Variants in KDM2B observed in about 807,000 individuals in gnomAD.
KDM2B encodes lysine demethylase 2B.
Under a neutral mutation model 150.0 loss-of-function variants are expected in KDM2B, and 26 were observed. The observed-to-expected ratio is 0.17, with a 90% CI of 0.13 to 0.24. The LOEUF (loss-of-function observed/expected upper bound fraction) is 0.24, where lower values mean the gene tolerates loss of function less well. Ranked by LOEUF, KDM2B falls within the 10% of genes least tolerant of loss-of-function variation. The pLI, the probability that KDM2B is intolerant of heterozygous loss-of-function variation, is 1.00. For synonymous variants in KDM2B, 734 were observed against 729.5 expected, an observed-to-expected ratio of 1.01 and a Z score of -0.10; for missense variants, 1,265 against 1,816.9, an observed-to-expected ratio of 0.70 and a Z score of 5.52.
At chr12:121,432,298 T>C (rs1234383192) in intron 22 of KDM2B, among the ~76,000 whole-genome samples, 2 of 152,214 alleles carry the variant, frequency 1.3e-5, no homozygotes, top group African/African-American at 4.8e-5. Context: ...ATGAAGGAAG[T>C]TGTAGAATGT....
intron 9 of KDM2B, among the ~76,000 whole-genome samples, chr12:121,519,521 AC>A (rs1393736348): frequency 6.6e-6 from 1 of 152,240 alleles, no homozygotes; most frequent in Non-Finnish European, 1.5e-5. Flanking sequence ...CATGAAAGAA[AC>A]CAGACACAAA....
intron 11 of KDM2B, among the ~76,000 whole-genome samples, chr12:121,495,783 G>A (rs370379997): frequency 9.2e-5 from 14 of 152,128 alleles, no homozygotes; most frequent in African/African-American, 3.4e-4. Context: ...GCTGTGTGAC[G>A]ACGTGTAAAT....
chr12:121,536,233 T>A, intron 6 of KDM2B: 1 of 290,244 alleles, frequency 3.4e-6, no homozygotes, highest in Non-Finnish European at 5.1e-6. Flanking sequence ...GGCTCAGCAG[T>A]ATGCAGGCGG....
At chr12:121,436,438 G>A (rs1284229975) in intron 22 of KDM2B, among the ~76,000 whole-genome samples, 6 of 151,828 alleles carry the variant, frequency 4.0e-5, no homozygotes, top group South Asian at 2.1e-4. Context: ...GGAGAATGGC[G>A]TGAACCTGGG....
intron 4 of KDM2B, among the ~76,000 whole-genome samples, chr12:121,573,286 T>C (rs1245845086): frequency 1.5e-5 from 1 of 66,428 alleles, no homozygotes; most frequent in Middle Eastern, 5.0e-3. Flanking sequence ...CACTGTTTAC[T>C]TTTTTTTTTT....
At chr12:121,563,340 C>T (rs1275881414) in intron 4 of KDM2B, among the ~76,000 whole-genome samples, 2 of 152,102 alleles carry the variant, frequency 1.3e-5, no homozygotes, top group Non-Finnish European at 2.9e-5. Context: ...GGCTCGATGG[C>T]TCACGCCTGT....
intron 11 of KDM2B, among the ~76,000 whole-genome samples, chr12:121,495,540 T>A (rs782098345): frequency 5.1e-4 from 77 of 152,264 alleles, no homozygotes; most frequent in Middle Eastern, 3.4e-3. Flanking sequence ...CCTCGAGGAA[T>A]CCTCCCTCCT....
chr12:121,443,019 G>A lies in KDM2B; in HGVS notation c.2577C>T (p.Gly859=), dbSNP rs1555289009. 4 of 1,612,984 alleles carry A rather than the reference G, an allele frequency of 2.5e-6. No individual in the cohort carries two copies. Among genetic ancestry groups the A allele is most frequent in the African/African-American group, 1.3e-5 (1 of 74,924 alleles). ...TTTTCCTGAAAAGCTTATCTTCTTT[G>A]CCAGGTTTGAGCTGTCACGAAAAAG... ...LTYFQQQLKP[G]KEDKLFRKKR... is the part of the protein sequence containing the mutation. The change falls in exon 18 of 23, where the codon GGC becomes GGT. Residue 859 remains glycine, a synonymous_variant. Coordinates refer to ENST00000377071, the MANE Select transcript of KDM2B (RefSeq NM_032590.5).
chr12:121,509,344 G>A (rs1057163784), intron 11 of KDM2B, among the ~76,000 whole-genome samples: 3 of 151,742 alleles, frequency 2.0e-5, no homozygotes, highest in Non-Finnish European at 2.9e-5. Flanking sequence ...TTACAGGTGT[G>A]AGCCACCCCA....
intron 4 of KDM2B, among the ~76,000 whole-genome samples, chr12:121,560,473 G>C (rs1890257081): frequency 6.6e-6 from 1 of 152,180 alleles, no homozygotes; most frequent in African/African-American, 2.4e-5. Context: ...GCTGATGCAG[G>C]AGGTGGGTGG....
intron 22 of KDM2B, among the ~76,000 whole-genome samples, chr12:121,437,415 A>G (rs1237004460): frequency 6.6e-6 from 1 of 152,154 alleles, no homozygotes; most frequent in Admixed American, 6.6e-5. Flanking sequence ...ATGGAGGGAG[A>G]AAAACGGGTG....
chr12:121,535,941 G>A, intron 6 of KDM2B: 1 of 545,438 alleles, frequency 1.8e-6, no homozygotes, highest in Non-Finnish European at 2.3e-6. Flanking sequence ...CAGGTGGCAC[G>A]GATGGGCAGC....
At chr12:121,508,548 T>A (rs1012009621) in intron 11 of KDM2B, among the ~76,000 whole-genome samples, 7 of 152,170 alleles carry the variant, frequency 4.6e-5, no homozygotes, top group Non-Finnish European at 8.8e-5. Flanking sequence ...CTGGCTTCCC[T>A]TGGGCATCAG....
chr12:121,477,159 T>C (rs1881476759), intron 12 of KDM2B, among the ~76,000 whole-genome samples: 2 of 151,766 alleles, frequency 1.3e-5, no homozygotes, highest in Admixed American at 1.3e-4. Flanking sequence ...CTGCAGATTC[T>C]AACTCCAGGC....
chr12:121,551,536 G>A (rs1451939829), intron 4 of KDM2B, among the ~76,000 whole-genome samples: 6 of 151,760 alleles, frequency 4.0e-5, no homozygotes, highest in African/African-American at 1.5e-4. Flanking sequence ...GTAGAGACAG[G>A]GTTTTGGTTT....
rs1276153157 is a variant in KDM2B at position 121,537,991 on chromosome 12, C to A, written c.684-3401G>T. Among the ~76,000 whole-genome samples, 3 of 149,228 alleles carry A rather than the reference C, an allele frequency of 2.0e-5. No individual in the cohort carries two copies. ...CCTTCGGCTGCGGAGGCTCGACGCG[C>A]GCCCGGCCCCACTCCCGGCGGCAAC... On this transcript the variant is annotated intron_variant, in intron 6 of 22. Coordinates refer to ENST00000377071, the MANE Select transcript of KDM2B (RefSeq NM_032590.5). This position sits in a 1 kb window ranked among gnomAD's most constrained non-coding sequence, Gnocchi z 8.7.
rs1888251093 is a variant in KDM2B at position 121,537,683 on chromosome 12, C to T, written c.684-3093G>A. 1.3e-5 allele frequency: 2 copies of T among 151,992 alleles called. No homozygotes were observed. The highest frequency in any genetic ancestry group is 2.9e-5 in the Non-Finnish European group (2 of 67,940). The allele number at this position is 151,992 out of a possible 1,614,324, so 9.4% of individuals were successfully genotyped here. ...CAACTTGGCGTAACTCCCCCGGTGG[C>T]TCGGGAGGCGTCCCCGTGGGGAAAG... On this transcript the variant is annotated intron_variant, in intron 6 of 22. Coordinates refer to ENST00000377071, the MANE Select transcript of KDM2B (RefSeq NM_032590.5). This position sits in a 1 kb window ranked among gnomAD's most constrained non-coding sequence, Gnocchi z 8.7.
chr12:121,544,612 C>G (rs550102950), intron 6 of KDM2B, among the ~76,000 whole-genome samples: 11 of 144,146 alleles, frequency 7.6e-5, no homozygotes, highest in African/African-American at 2.9e-4. Context: ...TCCGTCCCCC[C>G]CCAAAAAAAG....
chr12:121,505,492 A>G (rs189274513), intron 11 of KDM2B, among the ~76,000 whole-genome samples: 18 of 152,274 alleles, frequency 1.2e-4, no homozygotes, highest in Admixed American at 1.0e-3. Context: ...AGCTGTGATC[A>G]TGCCACTGCA....
Sources: gnomAD v4.1 joint callset for allele counts (sites outside exome capture counted in the v4.1 genomes callset) on GRCh38, gnomAD v4.1.1 for gene constraint, Gnocchi (gnomAD v3.1) non-coding constraint, MANE v1.5 for transcripts, NCBI Gene and HGNC (gene_info 2026-07-23, HGNC 2026-07-21) for gene names.